DOCK4: variants seen among roughly 807,000 people sequenced by gnomAD.
The protein encoded by DOCK4 is dedicator of cytokinesis protein 4.
A neutral mutation model predicts 268.1 loss-of-function variants in DOCK4; 97 were observed. The ratio of observed to expected loss-of-function variants is 0.36; its 90% CI spans 0.31 to 0.43. The LOEUF (loss-of-function observed/expected upper bound fraction) is 0.43, where lower values mean the gene tolerates loss of function less well. DOCK4 is among the 20% of genes least tolerant of loss of function. The pLI is 1.00. For synonymous variants in DOCK4, 954 were observed against 887.2 expected, an observed-to-expected ratio of 1.08 and a Z score of -1.34; for missense variants, 2,145 against 2,455.7, an observed-to-expected ratio of 0.87 and a Z score of 2.67.
At chr7:112,104,947 C>T (rs947857907) in intron 1 of DOCK4, among the ~76,000 whole-genome samples, 5 of 152,058 alleles carry the variant, frequency 3.3e-5, no homozygotes, top group African/African-American at 9.7e-5. Flanking sequence ...GATATACATT[C>T]AAGAGTAACT....
At chr7:111,923,660 C>A (rs534742380) in intron 12 of DOCK4, among the ~76,000 whole-genome samples, 75 of 152,288 alleles carry the variant, frequency 4.9e-4, no homozygotes, top group African/African-American at 1.6e-3. Context: ...TTATCCTCTG[C>A]AAAAGCTCTA....
chr7:111,860,655 C>T (rs1269793901), intron 23 of DOCK4, among the ~76,000 whole-genome samples: 1 of 152,166 alleles, frequency 6.6e-6, no homozygotes, highest in East Asian at 1.9e-4. Context: ...CCTACGCTGG[C>T]CCTGAGCCTC....
intron 34 of DOCK4, among the ~76,000 whole-genome samples, chr7:111,783,519 G>A (rs1798934416): frequency 1.3e-5 from 2 of 151,784 alleles, no homozygotes; most frequent in African/African-American, 4.8e-5. Flanking sequence ...ACCCTAAAAT[G>A]GATTGGTTCT....
At chr7:112,093,997 C>T (rs1166575834) in intron 1 of DOCK4, among the ~76,000 whole-genome samples, 2 of 151,776 alleles carry the variant, frequency 1.3e-5, no homozygotes, top group East Asian at 3.9e-4. Context: ...TATTATGAGA[C>T]CATTTGACTT....
intron 6 of DOCK4, among the ~76,000 whole-genome samples, chr7:111,984,669 A>G (rs1253538294): frequency 6.6e-6 from 1 of 152,180 alleles, no homozygotes; most frequent in Non-Finnish European, 1.5e-5. Context: ...TTAGCACCAC[A>G]TGGTGTGGAG....
At chr7:111,996,271 C>A (rs556801346) in intron 4 of DOCK4, among the ~76,000 whole-genome samples, 4 of 152,130 alleles carry the variant, frequency 2.6e-5, no homozygotes, top group African/African-American at 9.7e-5. Flanking sequence ...TGGGGGTTGT[C>A]CAAGCAAAAT....
At chr7:111,790,687 A>T in intron 30 of DOCK4, 82 bp from the exon 31 acceptor site, 1 of 1,385,586 alleles carries the variant, frequency 7.2e-7, no homozygotes, top group Non-Finnish European at 9.6e-7. Context: ...ATTTGTTTAA[A>T]ACTATTGCTA....
intron 1 of DOCK4, among the ~76,000 whole-genome samples, chr7:112,134,308 A>C (rs1814101236): frequency 6.6e-6 from 1 of 152,164 alleles, no homozygotes; most frequent in Non-Finnish European, 1.5e-5. Flanking sequence ...AACCATCAAA[A>C]ACCCTATACA....
intron 15 of DOCK4, among the ~76,000 whole-genome samples, chr7:111,899,516 T>A (rs1586307678): frequency 6.6e-6 from 1 of 151,548 alleles, no homozygotes; most frequent in Non-Finnish European, 1.5e-5. Context: ...CTTGAGAGGG[T>A]GGTAATGAAT....
chr7:112,128,662 A>G (rs1032179725), intron 1 of DOCK4, among the ~76,000 whole-genome samples: 2 of 152,200 alleles, frequency 1.3e-5, no homozygotes, highest in South Asian at 2.1e-4. Flanking sequence ...ACTCAGGGTT[A>G]AATGGATTAA....
chr7:111,936,729 A>G (rs1295627627), intron 11 of DOCK4, among the ~76,000 whole-genome samples: 1 of 152,214 alleles, frequency 6.6e-6, no homozygotes, highest in Admixed American at 6.5e-5. Context: ...TCTGTACACT[A>G]TCAATCAAAA....
intron 8 of DOCK4, among the ~76,000 whole-genome samples, chr7:111,974,491 GATGTGTGTGTGTGTGTGTGTGT>G (rs1323585412): frequency 6.6e-5 from 6 of 90,342 alleles, no homozygotes; most frequent in African/African-American, 1.8e-4. Flanking sequence ...ATTGAAGAGG[GATGTGTGTGTGTGTGTGTGTGT>G]GTGTGTGTGT....
At chr7:111,755,916 T>C (rs1563458677) in intron 41 of DOCK4, among the ~76,000 whole-genome samples, 1 of 152,318 alleles carries the variant, frequency 6.6e-6, no homozygotes, top group Non-Finnish European at 1.5e-5. Context: ...ATTCAAACTC[T>C]CTTCACTCCT....
intron 16 of DOCK4, among the ~76,000 whole-genome samples, chr7:111,881,031 G>A (rs557337142): frequency 1.1e-4 from 17 of 152,224 alleles, no homozygotes; most frequent in Admixed American, 2.0e-4. Context: ...AAAATTTCTT[G>A]AGCATCCCCA....
At chr7:111,836,176 T>G (rs537364529) in intron 25 of DOCK4, among the ~76,000 whole-genome samples, 36 of 150,650 alleles carry the variant, frequency 2.4e-4, no homozygotes, top group African/African-American at 8.3e-4. Context: ...TGCCTTGTGC[T>G]CACACAGGAC....
chr7:111,822,272 C>T (rs1488628219), intron 27 of DOCK4, 90 bp downstream of exon 27: 16 of 1,150,744 alleles, frequency 1.4e-5, no homozygotes, highest in Admixed American at 5.5e-5. Context: ...AAAAAAACTG[C>T]AAACTTGAGA....
chr7:111,914,288 C>A lies in DOCK4; in HGVS notation c.1192+1491G>T, dbSNP rs543188274. ...TGGATTAGTTCAAACAGCCTCCAAA[C>A]CGGTCTCCCTGTTTCTCTGCTGCCC... On this transcript the variant is annotated intron_variant, in intron 13 of 52. Transcript: ENST00000428084. Among the ~76,000 whole-genome samples, 10 of 152,298 alleles carry A rather than the reference C, an allele frequency of 6.6e-5. No individual in the cohort carries two copies. The East Asian group carries it at 1.7e-3, about 26-fold the overall frequency.
chr7:111,847,666 G>A (rs1311184536), intron 23 of DOCK4, among the ~76,000 whole-genome samples: 1 of 152,102 alleles, frequency 6.6e-6, no homozygotes, highest in African/African-American at 2.4e-5. Context: ...TTTTTAAGGG[G>A]TTTCCCTTTT....
intron 25 of DOCK4, among the ~76,000 whole-genome samples, chr7:111,843,331 T>C (rs1270716559): frequency 1.3e-5 from 2 of 152,080 alleles, no homozygotes; most frequent in Non-Finnish European, 2.9e-5. Context: ...TAGGAGAAGA[T>C]ACCTGCAAAC....
Sources: gnomAD v4.1 joint callset for allele counts (sites outside exome capture counted in the v4.1 genomes callset) on GRCh38, gnomAD v4.1.1 for gene constraint, MANE v1.5 for transcripts, NCBI Gene and HGNC (gene_info 2026-07-23, HGNC 2026-07-21) for gene names.